Variants in XIRP2 observed in about 807,000 individuals in gnomAD.
XIRP2 encodes xin actin binding repeat containing 2, also known as xin actin-binding repeat-containing protein 2.
Under a neutral mutation model 277.0 loss-of-function variants are expected in XIRP2, and 236 were observed. The observed-to-expected ratio is 0.85, with a 90% CI of 0.77 to 0.95. XIRP2 has a LOEUF of 0.95. Ranked by LOEUF, XIRP2 falls within the 40% of genes least tolerant of loss-of-function variation. The pLI is 0.00. For missense variants in XIRP2, 4,640 were observed against 4,157.5 expected (o/e 1.12, Z -3.19); for synonymous variants, 1,490 against 1,416.5 (o/e 1.05, Z -1.17).
chr2:167,178,861 A>G (rs1692930334), intron 3 of XIRP2, among the ~76,000 whole-genome samples: 1 of 152,178 alleles, frequency 6.6e-6, no homozygotes, highest in Non-Finnish European at 1.5e-5. Context: ...TGTAAACATC[A>G]TATCTAGCAT....
intron 2 of XIRP2, among the ~76,000 whole-genome samples, chr2:167,100,464 T>G (rs957684281): frequency 6.6e-5 from 10 of 152,354 alleles, no homozygotes; most frequent in African/African-American, 2.4e-4. Context: ...CCTAAAGAGA[T>G]ATTCTCCTAT....
intron 1 of XIRP2, among the ~76,000 whole-genome samples, chr2:166,901,062 G>A (rs13406651): frequency 0.092 from 13,978 of 152,160 alleles, 793 homozygotes; most frequent in South Asian, 0.16. Flanking sequence ...GGGAGTAAGG[G>A]TTTAGTTGTG....
At chr2:167,194,510 G>C (rs548689859) in intron 3 of XIRP2, among the ~76,000 whole-genome samples, 94 of 151,802 alleles carry the variant, frequency 6.2e-4, no homozygotes, top group African/African-American at 2.2e-3. Context: ...ACTATTTTCT[G>C]TAACCCCAGC....
At chr2:167,104,154 C>T (rs1028618830) in intron 2 of XIRP2, among the ~76,000 whole-genome samples, 1 of 152,074 alleles carries the variant, frequency 6.6e-6, no homozygotes, top group Non-Finnish European at 1.5e-5. Context: ...GTCTTCTACT[C>T]TCTTGGTTTT....
intron 2 of XIRP2, among the ~76,000 whole-genome samples, chr2:167,085,534 A>G (rs1237238485): frequency 2.0e-5 from 3 of 151,990 alleles, no homozygotes; most frequent in African/African-American, 7.3e-5. Flanking sequence ...TCTAATGTTG[A>G]CAGTGGGGTG....
intron 3 of XIRP2, among the ~76,000 whole-genome samples, chr2:167,201,265 A>G (rs946369482): frequency 0.017 from 1,777 of 103,064 alleles, 134 homozygotes; most frequent in African/African-American, 0.072. Flanking sequence ...AAAGAAAGAG[A>G]GAGGGAGAAA....
At chr2:167,234,676 G>GA (rs1468993960) in intron 5 of XIRP2, among the ~76,000 whole-genome samples, 2 of 151,766 alleles carry the variant, frequency 1.3e-5, no homozygotes, top group Non-Finnish European at 3.0e-5. Flanking sequence ...ACTTTAGGCA[G>GA]AGTTACTATT....
At chr2:167,040,932 T>C (rs1193531385) in intron 2 of XIRP2, among the ~76,000 whole-genome samples, 1 of 152,208 alleles carries the variant, frequency 6.6e-6, no homozygotes, top group Non-Finnish European at 1.5e-5. Flanking sequence ...GCCACCACGC[T>C]GTCCATGCCC....
In XIRP2 at chr2:166,933,535, G is replaced by A. The variant is rs558339293; in HGVS notation, c.408+29645G>A. Reference sequence around the variant, plus strand: ...ACATAAAATGTCTCTAGCCAAGATCGTGCCACTGCACTCCAGCCTGGGCGA... The same window carrying A: ...ACATAAAATGTCTCTAGCCAAGATCATGCCACTGCACTCCAGCCTGGGCGA... On this transcript the variant is annotated intron_variant, in intron 2 of 10. Transcript: ENST00000409195. 4.0e-5 allele frequency among the ~76,000 whole-genome samples: 6 copies of A among 151,006 alleles called. No homozygotes were observed. In the South Asian group the frequency reaches 1.0e-3, roughly 26 times the overall value.
chr2:167,252,244 G>A (rs568517305), intron 9 of XIRP2, among the ~76,000 whole-genome samples: 21 of 151,944 alleles, frequency 1.4e-4, no homozygotes, highest in Non-Finnish European at 2.9e-4. Context: ...AACAGGTATA[G>A]CAATAATTTT....
intron 2 of XIRP2, among the ~76,000 whole-genome samples, chr2:167,101,012 C>G (rs548790923): frequency 6.2e-4 from 94 of 152,088 alleles, no homozygotes; most frequent in African/African-American, 2.0e-3. Context: ...TTCTCAAGGT[C>G]ACTTGAAAAC....
At chr2:167,016,884 A>C (rs1276202418) in intron 2 of XIRP2, among the ~76,000 whole-genome samples, 1 of 151,988 alleles carries the variant, frequency 6.6e-6, no homozygotes, top group Non-Finnish European at 1.5e-5. Flanking sequence ...TTAGGGAAGA[A>C]ATGAGAAAAA....
At chr2:166,945,486 G>T (rs1440334510) in intron 2 of XIRP2, among the ~76,000 whole-genome samples, 1 of 151,862 alleles carries the variant, frequency 6.6e-6, no homozygotes, top group Non-Finnish European at 1.5e-5. Context: ...ATCAAAAAAA[G>T]TAAATATCTA....
chr2:167,160,599 T>A (rs1432697924), intron 3 of XIRP2, among the ~76,000 whole-genome samples: 1 of 152,148 alleles, frequency 6.6e-6, no homozygotes, highest in Non-Finnish European at 1.5e-5. Context: ...CCATCAGATC[T>A]CGTGAGACTT....
At chr2:167,041,759 G>C (rs568669493) in intron 2 of XIRP2, among the ~76,000 whole-genome samples, 168 of 152,180 alleles carry the variant, frequency 1.1e-3, no homozygotes, top group Non-Finnish European at 1.9e-3. Context: ...TGTGCAACTT[G>C]GAAAACATAT....
intron 2 of XIRP2, among the ~76,000 whole-genome samples, chr2:167,091,532 T>C (rs1227116596): frequency 6.6e-6 from 1 of 152,272 alleles, no homozygotes; most frequent in East Asian, 1.9e-4. Context: ...CCATTGGCTC[T>C]TTTATAAATA....
At chr2:166,908,359 T>C (rs1684588639) in intron 2 of XIRP2, among the ~76,000 whole-genome samples, 1 of 152,230 alleles carries the variant, frequency 6.6e-6, no homozygotes, top group Non-Finnish European at 1.5e-5. Context: ...ATTTCTCTGA[T>C]GGCCAGTGAT....
intron 2 of XIRP2, among the ~76,000 whole-genome samples, chr2:167,077,636 T>C (rs1689606522): frequency 6.6e-6 from 1 of 152,102 alleles, no homozygotes; most frequent in Admixed American, 6.5e-5. Flanking sequence ...CTGAAAGTCT[T>C]AAAGAAGTAA....
At chr2:167,191,887 C>T (rs1377755963) in intron 3 of XIRP2, among the ~76,000 whole-genome samples, 2 of 152,190 alleles carry the variant, frequency 1.3e-5, no homozygotes, top group African/African-American at 2.4e-5. Context: ...GCATACGTAT[C>T]ACTTAAAATA....
Sources: gnomAD v4.1 joint callset for allele counts (sites outside exome capture counted in the v4.1 genomes callset) on GRCh38, gnomAD v4.1.1 for gene constraint, MANE v1.5 for transcripts, NCBI Gene and HGNC (gene_info 2026-07-23, HGNC 2026-07-21) for gene names.